The following XPR1 variants were observed in gnomAD, a reference collection of about 807,000 sequenced individuals.
XPR1 encodes the protein xenotropic and polytropic retrovirus receptor 1.
In XPR1, 28 loss-of-function variants were observed where a neutral mutation model predicts 87.5. That is an observed-to-expected ratio of 0.32 (90% CI 0.24 to 0.44). The LOEUF (loss-of-function observed/expected upper bound fraction) is 0.44. Among genes scored for constraint, XPR1 ranks in the 20% least tolerant of loss-of-function variants. The probability of loss-of-function intolerance (pLI) is 1.00; values close to 1 mark genes in which losing one functional copy is unlikely to be tolerated. For missense variants in XPR1, 559 were observed against 862.3 expected, an observed-to-expected ratio of 0.65 and a Z score of 4.41; for synonymous variants, 300 against 306.1, an observed-to-expected ratio of 0.98 and a Z score of 0.21.
chr1:180,674,234 A>G (rs1656288708), intron 1 of XPR1, among the ~76,000 whole-genome samples: 1 of 152,140 alleles, frequency 6.6e-6, no homozygotes, highest in African/African-American at 2.4e-5. Flanking sequence ...CCAAGGTTAT[A>G]CAACTTTTGT....
rs1273487546 is a variant in XPR1, at chr1:180,787,285, T to TG, written c.122-467dup. ...TGTGGTCTTACAAAGAGGTTTTTTT[T>TG]GTTTTTTTTTTGTTTTTTTTGTTTT... On this transcript the variant is annotated intron_variant, in intron 2 of 14. Transcript: ENST00000367590. Among the ~76,000 whole-genome samples the TG allele has an allele frequency of 1.2e-4, 16 of 135,446 alleles. 1 individual carries two copies. In the South Asian group the frequency reaches 1.8e-3, roughly 16 times the overall value. The allele number at this position is 135,446 out of a possible 152,430, so 88.9% of individuals were successfully genotyped here. A position where few individuals can be genotyped will look rare whatever the true frequency, so the allele number is the denominator to read the frequency against.
intron 1 of XPR1, among the ~76,000 whole-genome samples, chr1:180,660,779 T>A (rs1334180368): frequency 6.6e-6 from 1 of 152,226 alleles, no homozygotes; most frequent in African/African-American, 2.4e-5. Context: ...TGGTCTATCC[T>A]TGAGAATGAT....
chr1:180,732,841 G>A (rs1006115704), intron 2 of XPR1, among the ~76,000 whole-genome samples: 5 of 152,224 alleles, frequency 3.3e-5, no homozygotes, highest in Admixed American at 2.0e-4. Flanking sequence ...AGGAAGAATC[G>A]GATCACACTT....
intron 3 of XPR1, among the ~76,000 whole-genome samples, chr1:180,796,074 C>G (rs546093811): frequency 6.6e-6 from 1 of 152,132 alleles, no homozygotes; most frequent in Non-Finnish European, 1.5e-5. Context: ...TCCAAAAGTG[C>G]TGGGATTACA....
chr1:180,774,983 AC>A (rs1465411134), intron 2 of XPR1, among the ~76,000 whole-genome samples: 2 of 152,312 alleles, frequency 1.3e-5, no homozygotes, highest in East Asian at 3.9e-4. Context: ...CTATGTCCTT[AC>A]ATGGCAGAAA....
intron 1 of XPR1, among the ~76,000 whole-genome samples, chr1:180,634,840 A>G (rs1303460599): frequency 6.6e-6 from 1 of 151,708 alleles, no homozygotes; most frequent in Non-Finnish European, 1.5e-5. Context: ...ATATTTAATT[A>G]TATATAATAT....
intron 2 of XPR1, among the ~76,000 whole-genome samples, chr1:180,704,328 T>C (rs957154951): frequency 6.8e-6 from 1 of 146,348 alleles, no homozygotes; most frequent in Non-Finnish European, 1.5e-5. Context: ...TAACCCTAGA[T>C]CTTTTAATTC....
intron 2 of XPR1, among the ~76,000 whole-genome samples, chr1:180,705,697 G>A (rs189062987): frequency 3.8e-4 from 58 of 152,066 alleles, no homozygotes; most frequent in Middle Eastern, 3.4e-3. Context: ...ACAATATGTC[G>A]TCTTTCTATA....
chr1:180,819,743 C>T lies in XPR1; in HGVS notation c.764-5010C>T, dbSNP rs369969682. Among the ~76,000 whole-genome samples, 19 of 152,214 alleles carry T rather than the reference C, an allele frequency of 1.2e-4. No homozygotes were observed. The East Asian group carries it at 2.1e-3, about 17-fold the overall frequency. The stretch of plus-strand genomic sequence containing the variant: ...GTTCAAAATATATGCCTAGGCCGGG[C>T]GCGGTGGCTCATGCCTGTAATCCTA... On this transcript the variant is annotated intron_variant, in intron 7 of 14. Transcript: ENST00000367590.
At chr1:180,692,078 T>C (rs1657012941) in intron 2 of XPR1, among the ~76,000 whole-genome samples, 1 of 152,214 alleles carries the variant, frequency 6.6e-6, no homozygotes, top group Non-Finnish European at 1.5e-5. Flanking sequence ...CTGACCTAGC[T>C]ATAAAACAGT....
intron 12 of XPR1, among the ~76,000 whole-genome samples, chr1:180,873,418 A>G (rs1309071733): frequency 6.6e-6 from 1 of 152,240 alleles, no homozygotes; most frequent in African/African-American, 2.4e-5. Context: ...AAATCTGCTA[A>G]TCTTTTCTGA....
chr1:180,852,152 A>G (rs1651885131), intron 11 of XPR1, among the ~76,000 whole-genome samples: 1 of 152,084 alleles, frequency 6.6e-6, no homozygotes, highest in African/African-American at 2.4e-5. Context: ...AGGTGGTTTC[A>G]AAGAGGAAGT....
At chr1:180,676,277 A>G (rs1656367230) in intron 1 of XPR1, among the ~76,000 whole-genome samples, 1 of 152,242 alleles carries the variant, frequency 6.6e-6, no homozygotes, top group Admixed American at 6.5e-5. Flanking sequence ...AGTCACTGCA[A>G]GTCATTGGTG....
At chr1:180,817,011 C>A (rs936703136) in intron 7 of XPR1, among the ~76,000 whole-genome samples, 8 of 151,918 alleles carry the variant, frequency 5.3e-5, no homozygotes, top group African/African-American at 1.9e-4. Context: ...AGGTGGAAGA[C>A]AGTGATATTG....
At chr1:180,633,343 A>T (rs927624607) in intron 1 of XPR1, among the ~76,000 whole-genome samples, 2 of 152,260 alleles carry the variant, frequency 1.3e-5, no homozygotes, top group African/African-American at 2.4e-5. Flanking sequence ...AGGAATTCAC[A>T]TCTGTTTTGT....
At chr1:180,639,535 G>A (rs1266755003) in intron 1 of XPR1, among the ~76,000 whole-genome samples, 1 of 152,128 alleles carries the variant, frequency 6.6e-6, no homozygotes, top group East Asian at 1.9e-4. Flanking sequence ...TAAATAACTA[G>A]TGAACAAGTG....
intron 2 of XPR1, among the ~76,000 whole-genome samples, chr1:180,698,010 G>T (rs544951279): frequency 1.3e-5 from 2 of 152,116 alleles, no homozygotes; most frequent in Non-Finnish European, 2.9e-5. Context: ...TTTCTGTCGA[G>T]ATGATTGATC....
chr1:180,854,089 G>T (rs1651960099), intron 11 of XPR1, among the ~76,000 whole-genome samples: 1 of 152,120 alleles, frequency 6.6e-6, no homozygotes, highest in Non-Finnish European at 1.5e-5. Flanking sequence ...TTTAATAGGG[G>T]TTTTGCTTTA....
At position 180,888,095 on chromosome 1, in the gene XPR1, C is replaced by A. The variant is rs1418924409; in HGVS notation, c.*4029C>A. Reference sequence around the variant, plus strand: ...TGAGCCTGATGACGCGAAGGTGATGCCTCCATCTGTCCGCTTAGTGGTTAT... The same window carrying A: ...TGAGCCTGATGACGCGAAGGTGATGACTCCATCTGTCCGCTTAGTGGTTAT... On this transcript the variant is annotated 3_prime_UTR_variant, in exon 15 of 15. Coordinates refer to ENST00000367590, the MANE Select transcript of XPR1 (RefSeq NM_004736.4). The A allele has an allele frequency of 6.6e-6, 1 of 152,166 alleles. No individual in the cohort carries two copies. Among genetic ancestry groups the A allele is most frequent in the African/African-American group, 2.4e-5 (1 of 41,432 alleles). 9.4% of individuals were successfully genotyped at this position (152,166 alleles called of 1,614,324 possible).
Sources: gnomAD v4.1 joint callset for allele counts (sites outside exome capture counted in the v4.1 genomes callset) on GRCh38, gnomAD v4.1.1 for gene constraint, MANE v1.5 for transcripts, NCBI Gene and HGNC (gene_info 2026-07-23, HGNC 2026-07-21) for gene names.